Variants in ABTB3 observed in about 807,000 individuals in gnomAD.
ABTB3 encodes the protein ankyrin repeat- and BTB/POZ domain-containing protein 3.
the ABTB3 span, among the ~76,000 whole-genome samples, chr12:107,413,639 TC>T: frequency 9.9e-5 from 15 of 152,226 alleles, no homozygotes; most frequent in Non-Finnish European, 1.8e-4. Flanking sequence ...AAAAAAATTG[TC>T]TGGAAGATTT....
At chr12:107,580,782 C>A in the ABTB3 span, 1 of 1,486,046 alleles carries the variant, frequency 6.7e-7, no homozygotes, top group South Asian at 1.3e-5. Context: ...TTTTCCGCCG[C>A]TCCAGACCCT....
chr12:107,569,235 C>G, the ABTB3 span, among the ~76,000 whole-genome samples: 3 of 152,152 alleles, frequency 2.0e-5, no homozygotes, highest in Non-Finnish European at 4.4e-5. Context: ...ACATTCCTTT[C>G]TGGTTTGGGT....
the ABTB3 span, among the ~76,000 whole-genome samples, chr12:107,549,080 C>T: frequency 1.3e-5 from 2 of 152,116 alleles, no homozygotes; most frequent in South Asian, 2.1e-4. Context: ...CTTTTGCAAA[C>T]GGAATGTACA....
the ABTB3 span, among the ~76,000 whole-genome samples, chr12:107,479,284 G>T: frequency 9.9e-5 from 15 of 151,918 alleles, no homozygotes; most frequent in African/African-American, 3.6e-4. Flanking sequence ...TGAGCTACTT[G>T]GTGTCTCTCT....
At chr12:107,548,709 A>T in the ABTB3 span, among the ~76,000 whole-genome samples, 1 of 152,234 alleles carries the variant, frequency 6.6e-6, no homozygotes, top group African/African-American at 2.4e-5. Context: ...TTATTTTCCA[A>T]ATAGTAATGA....
the ABTB3 span, among the ~76,000 whole-genome samples, chr12:107,597,614 G>T: frequency 6.6e-6 from 1 of 152,182 alleles, no homozygotes; most frequent in African/African-American, 2.4e-5. Flanking sequence ...AATTAGTTTT[G>T]GTGGGGACAT....
the ABTB3 span, among the ~76,000 whole-genome samples, chr12:107,655,787 G>C: frequency 6.6e-6 from 1 of 152,266 alleles, no homozygotes; most frequent in Non-Finnish European, 1.5e-5. Flanking sequence ...GTCATGAAAA[G>C]AGGCCCTGGA....
At chr12:107,384,801 C>T in the ABTB3 span, among the ~76,000 whole-genome samples, 3 of 152,130 alleles carry the variant, frequency 2.0e-5, no homozygotes, top group African/African-American at 7.2e-5. Context: ...CAGCAGGAGG[C>T]CCTTGAACCT....
the ABTB3 span, among the ~76,000 whole-genome samples, chr12:107,344,428 C>T: frequency 6.6e-6 from 1 of 152,192 alleles, no homozygotes; most frequent in African/African-American, 2.4e-5. Context: ...TAGTTAATGA[C>T]CTATTGTGTT....
At chr12:107,334,507 T>C in the ABTB3 span, among the ~76,000 whole-genome samples, 1 of 151,950 alleles carries the variant, frequency 6.6e-6, no homozygotes, top group Non-Finnish European at 1.5e-5. Context: ...AAAGAGCAGG[T>C]TTGGAGATGG....
the ABTB3 span, among the ~76,000 whole-genome samples, chr12:107,643,999 A>T: frequency 6.6e-6 from 1 of 152,102 alleles, no homozygotes. Flanking sequence ...CCTGAGCTCA[A>T]CCAATTCACC....
the ABTB3 span, among the ~76,000 whole-genome samples, chr12:107,519,439 C>T: frequency 1.1e-4 from 16 of 151,590 alleles, no homozygotes; most frequent in African/African-American, 3.6e-4. Context: ...TCTCCTTCCT[C>T]AGCCTCCCCA....
At chr12:107,370,089 G>A in the ABTB3 span, among the ~76,000 whole-genome samples, 2 of 152,200 alleles carry the variant, frequency 1.3e-5, no homozygotes, top group African/African-American at 2.4e-5. Context: ...TTCAGTAAAC[G>A]TTATTTTCCC....
chr12:107,612,616 G>A, the ABTB3 span, among the ~76,000 whole-genome samples: 2 of 152,348 alleles, frequency 1.3e-5, no homozygotes, highest in Admixed American at 6.5e-5. Context: ...TCCACATGTG[G>A]AGGGTTGTGA....
the ABTB3 span, among the ~76,000 whole-genome samples, chr12:107,334,457 C>T: frequency 3.9e-5 from 6 of 152,004 alleles, no homozygotes; most frequent in Non-Finnish European, 5.9e-5. Context: ...GTTTGAACAA[C>T]GAGGAGGAGT....
At chr12:107,531,517 T>C in the ABTB3 span, among the ~76,000 whole-genome samples, 1 of 152,156 alleles carries the variant, frequency 6.6e-6, no homozygotes, top group East Asian at 1.9e-4. Flanking sequence ...AGCCTCTGGT[T>C]CTTTGATTCT....
At chr12:107,529,521 C>G in the ABTB3 span, among the ~76,000 whole-genome samples, 2 of 152,140 alleles carry the variant, frequency 1.3e-5, no homozygotes, top group Admixed American at 1.3e-4. Context: ...GTACTGAATT[C>G]TTATTAAGTG....
At chr12:107,648,769 T>C in the ABTB3 span, among the ~76,000 whole-genome samples, 1 of 152,074 alleles carries the variant, frequency 6.6e-6, no homozygotes, top group East Asian at 1.9e-4. Flanking sequence ...TGGGCCATGT[T>C]CGCAGGGGAA....
chr12:107,553,418 A>T, the ABTB3 span, among the ~76,000 whole-genome samples: 1 of 152,182 alleles, frequency 6.6e-6, no homozygotes, highest in Non-Finnish European at 1.5e-5. Flanking sequence ...GGTCATGCAC[A>T]TTGGGGCAAC....
Sources: allele counts gnomAD v4.1 joint callset (sites outside exome capture counted in the v4.1 genomes callset), GRCh38; gene constraint gnomAD v4.1.1; transcripts MANE v1.5; gene names NCBI Gene and HGNC (gene_info 2026-07-23, HGNC 2026-07-21).